Variants in ELOVL6 observed in about 807,000 individuals in gnomAD.
ELOVL6 encodes very long chain fatty acid elongase 6.
A neutral mutation model predicts 31.7 loss-of-function variants in ELOVL6; 8 were observed. That is an observed-to-expected ratio of 0.25 (90% CI 0.15 to 0.45). The LOEUF (loss-of-function observed/expected upper bound fraction) is 0.45. Ranked by LOEUF, ELOVL6 falls within the 20% of genes least tolerant of loss-of-function variation. The probability of loss-of-function intolerance (pLI) is 1.00; values close to 1 mark genes in which losing one functional copy is unlikely to be tolerated. For synonymous variants in ELOVL6, 101 were observed against 117.7 expected, an observed-to-expected ratio of 0.86 and a Z score of 0.92; for missense variants, 126 against 326.4, an observed-to-expected ratio of 0.39 and a Z score of 4.73.
rs189819903 is a variant in ELOVL6 at position 110,122,095 on chromosome 4, T to C, written c.90-16467A>G. On this transcript the variant is annotated intron_variant, in intron 1 of 3. Transcript: ENST00000302274. Reference sequence around the variant, plus strand: ...TGTTTTCCCACTTAGACTGACTTATTCTGTATTTCCAGCTGTCCAAAAGGA... The same window carrying C: ...TGTTTTCCCACTTAGACTGACTTATCCTGTATTTCCAGCTGTCCAAAAGGA... 2.2e-3 allele frequency among the ~76,000 whole-genome samples: 336 copies of C among 152,322 alleles called. 1 individual carries two copies. Among genetic ancestry groups the C allele is most frequent in the Non-Finnish European group, 1.2e-3 (80 of 68,030 alleles).
intron 2 of ELOVL6, among the ~76,000 whole-genome samples, chr4:110,099,143 T>C (rs755253824): frequency 3.9e-5 from 6 of 152,180 alleles, no homozygotes; most frequent in Non-Finnish European, 5.9e-5. Context: ...GCTTTAGAAA[T>C]AAGGTAATTG....
intron 1 of ELOVL6, among the ~76,000 whole-genome samples, chr4:110,175,387 A>T (rs1759072756): frequency 6.6e-6 from 1 of 152,186 alleles, no homozygotes; most frequent in Non-Finnish European, 1.5e-5. Context: ...GTCTCAAAAA[A>T]AAAAGACATA....
At position 110,105,574 on chromosome 4, in the gene ELOVL6, C is replaced by T. The variant is rs781328310; in HGVS notation, c.144G>A (p.Arg48=). The T allele has an allele frequency of 2.4e-5, 39 of 1,613,262 alleles. No homozygotes were observed. Among genetic ancestry groups the T allele is most frequent in the Non-Finnish European group, 3.1e-5 (37 of 1,179,582 alleles). ...ACTTTGCTCGTTTATTCATTAGGTG[C>T]CGACCACCGAATATAAAGGCAGCAT... is the stretch of plus-strand genomic sequence containing the variant. ...ALYAAFIFGG[R]HLMNKRAKFE... is the part of the protein sequence containing the mutation. The change falls in exon 2 of 4, where the codon CGG becomes CGA. Residue 48 remains arginine, a synonymous_variant. Coordinates refer to ENST00000302274, the MANE Select transcript of ELOVL6 (RefSeq NM_024090.3).
At chr4:110,196,982 G>A (rs1402074425) in intron 1 of ELOVL6, among the ~76,000 whole-genome samples, 2 of 152,186 alleles carry the variant, frequency 1.3e-5, no homozygotes, top group African/African-American at 4.8e-5. Flanking sequence ...TCGCAGCTGC[G>A]GCCCCGTGGC....
At chr4:110,101,891 T>C (rs1417832828) in intron 2 of ELOVL6, among the ~76,000 whole-genome samples, 1 of 152,142 alleles carries the variant, frequency 6.6e-6, no homozygotes, top group Non-Finnish European at 1.5e-5. Context: ...CCCAGGCTGG[T>C]CTTATTTTCT....
At chr4:110,115,098 C>T (rs569329460) in intron 1 of ELOVL6, among the ~76,000 whole-genome samples, 10 of 152,130 alleles carry the variant, frequency 6.6e-5, no homozygotes, top group Middle Eastern at 3.4e-3. Context: ...GAAAACATGG[C>T]ATGTTTTCAC....
chr4:110,135,722 A>C (rs1757792118), intron 1 of ELOVL6, among the ~76,000 whole-genome samples: 1 of 152,218 alleles, frequency 6.6e-6, no homozygotes, highest in African/African-American at 2.4e-5. Context: ...GCCTAGGGGA[A>C]TAATGAAGTA....
At chr4:110,077,148 A>T (rs1055256457) in intron 2 of ELOVL6, among the ~76,000 whole-genome samples, 2 of 152,022 alleles carry the variant, frequency 1.3e-5, no homozygotes, top group African/African-American at 4.8e-5. Flanking sequence ...GCCTCTGTAG[A>T]CTCCACCTCT....
chr4:110,194,570 G>A lies in ELOVL6; in HGVS notation c.89+3677C>T, dbSNP rs114463879. ...AGTATGAGGTTAATGATTCATTAAA[G>A]CAGCAATAAACTTGAAAACTAGCCT... On this transcript the variant is annotated intron_variant, in intron 1 of 3. Coordinates refer to ENST00000302274, the MANE Select transcript of ELOVL6 (RefSeq NM_024090.3). Among the ~76,000 whole-genome samples, 713 of 152,274 alleles carry A rather than the reference G, an allele frequency of 4.7e-3. 8 individuals are homozygous for A. Among genetic ancestry groups the A allele is most frequent in the African/African-American group, 0.017 (691 of 41,570 alleles).
chr4:110,105,697 TCTC>T, intron 1 of ELOVL6, 69 bp from the exon 2 acceptor site: 1 of 1,455,592 alleles, frequency 6.9e-7, no homozygotes, highest in Non-Finnish European at 9.5e-7. Flanking sequence ...TTGTACCAGT[TCTC>T]CTCTTTGTAA....
intron 1 of ELOVL6, among the ~76,000 whole-genome samples, chr4:110,159,125 A>G (rs889002465): frequency 1.3e-5 from 2 of 152,186 alleles, no homozygotes; most frequent in African/African-American, 4.8e-5. Context: ...AACTGAGACA[A>G]TAATTATATA....
At chr4:110,083,479 G>A (rs1023286526) in intron 2 of ELOVL6, among the ~76,000 whole-genome samples, 1 of 151,628 alleles carries the variant, frequency 6.6e-6, no homozygotes, top group South Asian at 2.1e-4. Flanking sequence ...GGACTAAAGA[G>A]AGACATGGTT....
intron 1 of ELOVL6, among the ~76,000 whole-genome samples, chr4:110,132,823 C>A: frequency 6.6e-6 from 1 of 151,070 alleles, no homozygotes; most frequent in African/African-American, 2.4e-5. Context: ...CTAGGCAGTA[C>A]AGCAAGACTG....
intron 1 of ELOVL6, among the ~76,000 whole-genome samples, chr4:110,154,007 C>A (rs929312590): frequency 1.3e-5 from 2 of 152,164 alleles, no homozygotes; most frequent in Admixed American, 6.5e-5. Flanking sequence ...ATTACCAATT[C>A]CACTTTTATT....
chr4:110,075,426 A>C (rs548300699), intron 2 of ELOVL6, among the ~76,000 whole-genome samples: 18 of 152,350 alleles, frequency 1.2e-4, no homozygotes, highest in African/African-American at 3.4e-4. Context: ...ATGAAATATT[A>C]CTAAGCCTTG....
intron 2 of ELOVL6, among the ~76,000 whole-genome samples, chr4:110,061,777 C>T (rs1232233295): frequency 3.3e-5 from 5 of 151,888 alleles, no homozygotes; most frequent in Non-Finnish European, 7.4e-5. Flanking sequence ...AGGCCGGTCT[C>T]AAACTCCTGA....
intron 1 of ELOVL6, among the ~76,000 whole-genome samples, chr4:110,106,699 C>T (rs10012828): frequency 0.31 from 47,083 of 151,896 alleles, 8,402 homozygotes; most frequent in East Asian, 0.71. Context: ...CTTTGTGACC[C>T]GTATCTTGTG....
At chr4:110,179,516 G>A (rs1017466208) in intron 1 of ELOVL6, among the ~76,000 whole-genome samples, 3 of 151,900 alleles carry the variant, frequency 2.0e-5, no homozygotes, top group Non-Finnish European at 2.9e-5. Flanking sequence ...CAAAAGAAAA[G>A]GGCAAAAATA....
intron 2 of ELOVL6, among the ~76,000 whole-genome samples, chr4:110,091,214 A>C (rs186942816): frequency 1.3e-5 from 2 of 152,162 alleles, no homozygotes; most frequent in Non-Finnish European, 2.9e-5. Flanking sequence ...AGAGGTGTCA[A>C]TTAGATTAGA....
Sources: gnomAD v4.1 joint callset for allele counts (sites outside exome capture counted in the v4.1 genomes callset) on GRCh38, gnomAD v4.1.1 for gene constraint, MANE v1.5 for transcripts, NCBI Gene and HGNC (gene_info 2026-07-23, HGNC 2026-07-21) for gene names.